The following CYSTM1 variants were observed in gnomAD, a reference collection of about 807,000 sequenced individuals.
CYSTM1 encodes cysteine-rich transmembrane module-containing protein 1.
Under a neutral mutation model 13.1 loss-of-function variants are expected in CYSTM1, and 4 were observed. That is an observed-to-expected ratio of 0.31 (90% confidence interval 0.15 to 0.70). The LOEUF is 0.70. Ranked by LOEUF, CYSTM1 falls within the 30% of genes least tolerant of loss-of-function variation. The pLI is 0.72. For synonymous variants in CYSTM1, 36 were observed against 42.7 expected, an observed-to-expected ratio of 0.84 and a Z score of 0.62; for missense variants, 96 against 121.6, an observed-to-expected ratio of 0.79 and a Z score of 0.99.
intron 1 of CYSTM1, among the ~76,000 whole-genome samples, chr5:140,179,396 T>A (rs1763932374): frequency 6.6e-6 from 1 of 151,698 alleles, no homozygotes; most frequent in African/African-American, 2.4e-5. Flanking sequence ...CTGTCTCTAC[T>A]AAAATTACAA....
At chr5:140,222,761 G>A (rs1020758663) in intron 2 of CYSTM1, among the ~76,000 whole-genome samples, 2 of 152,214 alleles carry the variant, frequency 1.3e-5, no homozygotes, top group African/African-American at 4.8e-5. Context: ...AGGCCCTGTA[G>A]GGGCAGCATG....
At chr5:140,226,823 G>A (rs545667634) in intron 2 of CYSTM1, among the ~76,000 whole-genome samples, 1 of 150,922 alleles carries the variant, frequency 6.6e-6, no homozygotes, top group African/African-American at 2.4e-5. Context: ...GATGAGCCCA[G>A]TGACAGTACT....
At chr5:140,199,575 C>T (rs1167909359) in intron 2 of CYSTM1, among the ~76,000 whole-genome samples, 1 of 152,214 alleles carries the variant, frequency 6.6e-6, no homozygotes, top group African/African-American at 2.4e-5. Context: ...ACTGCAACCT[C>T]CACCTCCGGG....
At chr5:140,195,240 G>T (rs905002386) in intron 2 of CYSTM1, among the ~76,000 whole-genome samples, 6 of 152,186 alleles carry the variant, frequency 3.9e-5, no homozygotes, top group African/African-American at 9.7e-5. Flanking sequence ...TACAGAAAGT[G>T]AGAGTAAACA....
chr5:140,228,730 T>C (rs1383985904), intron 2 of CYSTM1: 1 of 398,940 alleles, frequency 2.5e-6, no homozygotes, highest in East Asian at 3.6e-5. Context: ...CCTTCAACAG[T>C]GTACGTGATA....
intron 2 of CYSTM1, among the ~76,000 whole-genome samples, chr5:140,236,944 C>T (rs1284209335): frequency 6.6e-6 from 1 of 152,262 alleles, no homozygotes; most frequent in African/African-American, 2.4e-5. Context: ...TTCTGGATCT[C>T]CAGCCACTTG....
chr5:140,195,306 G>T (rs1764140576), intron 2 of CYSTM1, among the ~76,000 whole-genome samples: 1 of 152,142 alleles, frequency 6.6e-6, no homozygotes, highest in Non-Finnish European at 1.5e-5. Flanking sequence ...ATGTAATCTT[G>T]CATTTTACAG....
intron 2 of CYSTM1, among the ~76,000 whole-genome samples, chr5:140,216,528 C>A (rs200334679): frequency 6.6e-6 from 1 of 152,116 alleles, no homozygotes; most frequent in Non-Finnish European, 1.5e-5. Flanking sequence ...GTTTGAGTAA[C>A]CTGCCCTGGT....
chr5:140,238,815 T>C (rs956159037), intron 2 of CYSTM1, among the ~76,000 whole-genome samples: 2 of 152,248 alleles, frequency 1.3e-5, no homozygotes, highest in Non-Finnish European at 2.9e-5. Context: ...TTGGCCTCCT[T>C]CTGTCGGTCT....
chr5:140,201,721 T>C (rs1297997008), intron 2 of CYSTM1: 2 of 152,244 alleles, frequency 1.3e-5, no homozygotes, highest in Non-Finnish European at 2.9e-5. Flanking sequence ...AGGCTTTCAC[T>C]GTTTGTTTTG....
intron 2 of CYSTM1, among the ~76,000 whole-genome samples, chr5:140,237,224 A>G (rs1031504299): frequency 1.3e-5 from 2 of 152,166 alleles, no homozygotes; most frequent in African/African-American, 4.8e-5. Context: ...TCCTTGGGAC[A>G]CTCTGAACAA....
chr5:140,238,727 T>G (rs1481550571), intron 2 of CYSTM1, among the ~76,000 whole-genome samples: 2 of 152,172 alleles, frequency 1.3e-5, no homozygotes, highest in Non-Finnish European at 2.9e-5. Flanking sequence ...TGCTTAAAGA[T>G]TTTCCCTTCC....
At chr5:140,189,177 A>T (rs10037401) in intron 1 of CYSTM1, among the ~76,000 whole-genome samples, 34,952 of 151,934 alleles carry the variant, frequency 0.23, 4,007 homozygotes, top group African/African-American at 0.25. Flanking sequence ...ATCCCCAATT[A>T]TGGAGGTGGG....
chr5:140,218,043 T>G (rs570113567), intron 2 of CYSTM1, among the ~76,000 whole-genome samples: 1 of 151,988 alleles, frequency 6.6e-6, no homozygotes, highest in Non-Finnish European at 1.5e-5. Context: ...ACTGTGAGAG[T>G]TGGTAGAAAG....
intron 2 of CYSTM1, among the ~76,000 whole-genome samples, chr5:140,203,526 A>G (rs1386735086): frequency 6.6e-6 from 1 of 152,248 alleles, no homozygotes; most frequent in African/African-American, 2.4e-5. Context: ...TGGAAACATT[A>G]CCACAAGTTT....
chr5:140,192,959 C>A (rs574909024), intron 1 of CYSTM1, among the ~76,000 whole-genome samples: 5 of 152,288 alleles, frequency 3.3e-5, no homozygotes, highest in Non-Finnish European at 7.3e-5. Flanking sequence ...TGTGGGCAAC[C>A]ATCAAAGTCC....
At chr5:140,207,953 A>G (rs945284892) in intron 2 of CYSTM1, among the ~76,000 whole-genome samples, 2 of 152,158 alleles carry the variant, frequency 1.3e-5, no homozygotes, top group Admixed American at 6.5e-5. Flanking sequence ...AATGCTGGAG[A>G]GGTTGTGAAG....
At chr5:140,240,357 A>C (rs1173209967) in intron 2 of CYSTM1, among the ~76,000 whole-genome samples, 1 of 151,662 alleles carries the variant, frequency 6.6e-6, no homozygotes, top group African/African-American at 2.4e-5. Flanking sequence ...TTGGCTGTAG[A>C]GGAGGCAGTT....
At chr5:140,199,767 G>A (rs186016944) in intron 2 of CYSTM1, among the ~76,000 whole-genome samples, 4 of 152,276 alleles carry the variant, frequency 2.6e-5, no homozygotes, top group African/African-American at 7.2e-5. Flanking sequence ...GATTACATGC[G>A]TGAGCCACGG....
Sources: gnomAD v4.1 joint callset for allele counts (sites outside exome capture counted in the v4.1 genomes callset) on GRCh38, gnomAD v4.1.1 for gene constraint, MANE v1.5 for transcripts, NCBI Gene and HGNC (gene_info 2026-07-23, HGNC 2026-07-21) for gene names.